Variants in TMEM132B observed in about 807,000 individuals in gnomAD.
TMEM132B encodes transmembrane protein 132B.
A neutral mutation model predicts 90.8 loss-of-function variants in TMEM132B; 18 were observed. The ratio of observed to expected loss-of-function variants is 0.20; its 90% confidence interval spans 0.14 to 0.29. The LOEUF is 0.29. Ranked by LOEUF, TMEM132B falls within the 10% of genes least tolerant of loss-of-function variation. The probability of loss-of-function intolerance (pLI) is 1.00; values close to 1 mark genes in which losing one functional copy is unlikely to be tolerated. For missense variants in TMEM132B, 1,096 were observed against 1,326.8 expected, an observed-to-expected ratio of 0.83 and a Z score of 2.70; for synonymous variants, 504 against 523.3, an observed-to-expected ratio of 0.96 and a Z score of 0.50.
chr12:125,657,617 A>G lies in TMEM132B; in HGVS notation c.*2907A>G, dbSNP rs1005886031. ...GGGTAAAGATATAAACTATTAAGCC[A>G]TGAAATCTAATTTTCTGGGGACCAT... On this transcript the variant is annotated 3_prime_UTR_variant, in exon 9 of 9. Transcript: ENST00000682704. The G allele has an allele frequency of 2.0e-5, 3 of 152,238 alleles. No homozygotes were observed. The highest frequency in any genetic ancestry group is 7.2e-5 in the African/African-American group (3 of 41,468). The allele number at this position is 152,238 out of a possible 1,614,324, so 9.4% of individuals were successfully genotyped here.
At chr12:125,384,758 C>T (rs1211771910) in intron 2 of TMEM132B, among the ~76,000 whole-genome samples, 1 of 152,100 alleles carries the variant, frequency 6.6e-6, no homozygotes, top group Non-Finnish European at 1.5e-5. Context: ...TCAAGCAATT[C>T]TCCTGCCTCA....
At chr12:125,294,070 A>G (rs1875608839) in intron 1 of TMEM132B, among the ~76,000 whole-genome samples, 1 of 152,214 alleles carries the variant, frequency 6.6e-6, no homozygotes, top group Non-Finnish European at 1.5e-5. Flanking sequence ...CCTCCAGGTG[A>G]AGGAAGTCCC....
chr12:125,634,914 T>C (rs1381812859), intron 5 of TMEM132B, among the ~76,000 whole-genome samples: 1 of 152,168 alleles, frequency 6.6e-6, no homozygotes, highest in Non-Finnish European at 1.5e-5. Context: ...AGCACTCCTT[T>C]AGCTGCCCCA....
chr12:125,198,755 T>G (rs76073017), intron 1 of TMEM132B, among the ~76,000 whole-genome samples: 5,967 of 152,230 alleles, frequency 0.039, 154 homozygotes, highest in African/African-American at 0.065. Flanking sequence ...AGTAGGGTGG[T>G]GAGAACCGGC....
chr12:125,489,884 G>A (rs556324349), intron 3 of TMEM132B, among the ~76,000 whole-genome samples: 1 of 152,254 alleles, frequency 6.6e-6, no homozygotes, highest in East Asian at 1.9e-4. Context: ...AGTTGGTTCT[G>A]GAACCTTCAG....
In TMEM132B at chr12:125,209,059, T is replaced by C. The variant is rs1056012383; in HGVS notation, c.67+22193T>C. On this transcript the variant is annotated intron_variant, in intron 1 of 8. Coordinates refer to ENST00000682704, the MANE Select transcript of TMEM132B (RefSeq NM_001366854.1). The surrounding 1 kb of genome is among the most constrained non-coding windows in gnomAD (Gnocchi z 4.4). Reference sequence around the variant, plus strand: ...TTATTGATTTACAGGAGGCAGATTATGTTTGGGAAATCAGAAGGGAGCTCC... The same window carrying C: ...TTATTGATTTACAGGAGGCAGATTACGTTTGGGAAATCAGAAGGGAGCTCC... 2.6e-5 allele frequency among the ~76,000 whole-genome samples: 4 copies of C among 152,254 alleles called. No individual in the cohort carries two copies. Among genetic ancestry groups the C allele is most frequent in the Non-Finnish European group, 4.4e-5 (3 of 68,010 alleles).
chr12:125,510,420 G>A (rs977300350), intron 3 of TMEM132B, among the ~76,000 whole-genome samples: 2 of 152,168 alleles, frequency 1.3e-5, no homozygotes, highest in Non-Finnish European at 2.9e-5. Context: ...TGGGGCAATG[G>A]GTTGGCCGAC....
chr12:125,326,905 G>A (rs1269340614), intron 1 of TMEM132B, among the ~76,000 whole-genome samples: 1 of 152,030 alleles, frequency 6.6e-6, no homozygotes, highest in African/African-American at 2.4e-5. Context: ...CCACATGCAG[G>A]GGCCACTTCT....
intron 3 of TMEM132B, among the ~76,000 whole-genome samples, chr12:125,454,869 A>G (rs1051062084): frequency 6.6e-6 from 1 of 152,256 alleles, no homozygotes; most frequent in African/African-American, 2.4e-5. Flanking sequence ...AGTGCTATGC[A>G]CTGATACTTT....
intron 2 of TMEM132B, among the ~76,000 whole-genome samples, chr12:125,404,031 T>C (rs930989910): frequency 6.6e-6 from 1 of 152,058 alleles, no homozygotes. Context: ...ACTGTGACCA[T>C]GAGAAGAATT....
intron 1 of TMEM132B, among the ~76,000 whole-genome samples, chr12:125,314,262 G>A (rs79652641): frequency 0.014 from 2,184 of 152,258 alleles, 50 homozygotes; most frequent in African/African-American, 0.048. Context: ...AAACAGTAAC[G>A]AGGGCTCACC....
intron 1 of TMEM132B, among the ~76,000 whole-genome samples, chr12:125,285,404 A>G (rs1875321628): frequency 6.6e-6 from 1 of 152,262 alleles, no homozygotes; most frequent in Admixed American, 6.5e-5. Flanking sequence ...AGAGGAAGCC[A>G]GAGCTGCGTG....
At chr12:125,527,845 A>G (rs1393186832) in intron 4 of TMEM132B, among the ~76,000 whole-genome samples, 3 of 152,246 alleles carry the variant, frequency 2.0e-5, no homozygotes, top group South Asian at 2.1e-4. Flanking sequence ...TAGCATCACT[A>G]TGTGCTGGAT....
intron 1 of TMEM132B, among the ~76,000 whole-genome samples, chr12:125,348,289 C>G (rs1380527982): frequency 1.3e-5 from 2 of 152,096 alleles, no homozygotes; most frequent in African/African-American, 4.8e-5. Context: ...ATATTGACAG[C>G]ACATTTCTGT....
At chr12:125,613,164 A>G (rs1372937689) in intron 5 of TMEM132B, among the ~76,000 whole-genome samples, 1 of 124,372 alleles carries the variant, frequency 8.0e-6, no homozygotes, top group Non-Finnish European at 1.6e-5. Context: ...ATATATATTT[A>G]TATATTATAT....
intron 1 of TMEM132B, among the ~76,000 whole-genome samples, chr12:125,287,784 A>C (rs1875403693): frequency 6.6e-6 from 1 of 152,128 alleles, no homozygotes. Flanking sequence ...TAGGGAACAC[A>C]CTACTTACAC....
chr12:125,264,823 CA>C (rs1165244386), intron 1 of TMEM132B, among the ~76,000 whole-genome samples: 2 of 152,252 alleles, frequency 1.3e-5, no homozygotes, highest in African/African-American at 4.8e-5. Context: ...TGCAAACACC[CA>C]AACGCATGTG....
chr12:125,346,707 T>C (rs958157060), intron 1 of TMEM132B, among the ~76,000 whole-genome samples: 1 of 152,224 alleles, frequency 6.6e-6, no homozygotes, highest in Admixed American at 6.5e-5. Context: ...CATTTCTCCC[T>C]CCTCTATCTT....
In TMEM132B at chr12:125,654,720, T is replaced by C. The variant is rs755219814; in HGVS notation, c.*10T>C. 1.9e-6 allele frequency: 3 copies of C among 1,607,056 alleles called. No homozygotes were observed. Among genetic ancestry groups the C allele is most frequent in the Admixed American group, 3.4e-5 (2 of 59,242 alleles). ...GCAAGACCAGATGTAAACTCCTTTC[T>C]TATGTTTGTATTCACCTTTATGCCT... On this transcript the variant is annotated 3_prime_UTR_variant, in exon 9 of 9. Coordinates refer to ENST00000682704, the MANE Select transcript of TMEM132B (RefSeq NM_001366854.1). This position sits in a 1 kb window ranked among gnomAD's most constrained non-coding sequence, Gnocchi z 5.8.
Sources: allele counts gnomAD v4.1 joint callset (sites outside exome capture counted in the v4.1 genomes callset), GRCh38; gene constraint gnomAD v4.1.1; non-coding constraint Gnocchi (gnomAD v3.1); transcripts MANE v1.5; gene names NCBI Gene and HGNC (gene_info 2026-07-23, HGNC 2026-07-21).